The following BTK variants were observed in gnomAD, a reference collection of about 807,000 sequenced individuals.
BTK encodes Bruton tyrosine kinase.
In BTK, 5 loss-of-function variants were observed where a neutral mutation model predicts 57.4. The observed-to-expected ratio is 0.09, with a 90% confidence interval of 0.05 to 0.18. The LOEUF (loss-of-function observed/expected upper bound fraction) is 0.18. Among genes scored for constraint, BTK ranks in the 10% least tolerant of loss-of-function variants. The pLI is 1.00. For missense variants in BTK, 194 were observed against 501.2 expected, an observed-to-expected ratio of 0.39 and a Z score of 5.85; for synonymous variants, 154 against 174.3, an observed-to-expected ratio of 0.88 and a Z score of 0.92.
At chrX:101,351,027 G>A (rs782086186) in intron 18 of BTK, among the ~76,000 whole-genome samples, 3 of 111,475 alleles carry the variant, frequency 2.7e-5, no homozygotes, top group African/African-American at 6.5e-5. Context: ...ACACAGTCTC[G>A]CTCTGTCACT....
intron 1 of BTK, among the ~76,000 whole-genome samples, chrX:101,385,013 C>A (rs782418136): frequency 9.0e-6 from 1 of 111,381 alleles, no homozygotes; most frequent in Non-Finnish European, 1.9e-5. Flanking sequence ...TATTGCCAGG[C>A]CCTGTTTTAA....
chrX:101,360,051 CT>C, intron 9 of BTK, 36 bp downstream of exon 9: 2 of 912,155 alleles, frequency 2.2e-6, no homozygotes, highest in Non-Finnish European at 3.1e-6. Flanking sequence ...GAGAGAGTTC[CT>C]CCTGGAAGAT....
chrX:101,369,960 C>T (rs782401321), intron 5 of BTK, 38 bp downstream of exon 5: 2 of 1,143,736 alleles, frequency 1.7e-6, no homozygotes, highest in South Asian at 3.6e-5. Context: ...TCCTTTCCTT[C>T]TTTCTTTGGA....
intron 10 of BTK, among the ~76,000 whole-genome samples, chrX:101,358,900 G>T (rs377168354): frequency 8.9e-6 from 1 of 111,918 alleles, no homozygotes; most frequent in East Asian, 2.8e-4. Context: ...CATTTTGGGA[G>T]GCCGAGGTGG....
intron 6 of BTK, 56 bp downstream of exon 6, chrX:101,362,505 G>C: frequency 8.3e-7 from 1 of 1,204,555 alleles, no homozygotes. Context: ...CAGACCCTTG[G>C]GAGAGTGATG....
rs782611988 is a variant in BTK at position 101,381,450 on chromosome X, G to A, written c.-31+4612C>T. Among the ~76,000 whole-genome samples, 194 of 111,724 alleles carry A rather than the reference G, an allele frequency of 1.7e-3. 1 individual carries two copies. Among genetic ancestry groups the A allele is most frequent in the African/African-American group, 5.9e-3 (181 of 30,765 alleles). On this transcript the variant is annotated intron_variant, in intron 1 of 18. Transcript: ENST00000308731. Reference sequence around the variant, plus strand: ...CTATCTCTAGTGGGAGGTTAAATTTGGCCTACGGAAAATCTCTTCCCAGTC... The same window carrying A: ...CTATCTCTAGTGGGAGGTTAAATTTAGCCTACGGAAAATCTCTTCCCAGTC...
In BTK at chrX:101,362,383, T is replaced by TA. The variant is rs1555978836; in HGVS notation, c.521-144_521-143insT. The stretch of plus-strand genomic sequence containing the variant: ...AGCTAGGCATGCCAGGTCACATAGC[T>TA]TGGAGAGCAGATTACCAGCTGGATT... On this transcript the variant is annotated intron_variant, in intron 6 of 18. Coordinates refer to ENST00000308731, the MANE Select transcript of BTK (RefSeq NM_000061.3). 5.1e-6 allele frequency: 5 copies of TA among 986,387 alleles called. No individual in the cohort carries two copies. The African/African-American group carries it at 9.5e-5, about 19-fold the overall frequency. 81.3% of individuals were successfully genotyped at this position (986,387 alleles called of 1,213,427 possible).
chrX:101,390,487 G>C (rs141862637), upstream of BTK: 3 of 515,147 alleles, frequency 5.8e-6, no homozygotes, highest in South Asian at 7.4e-5. Flanking sequence ...CCTCTCCCCC[G>C]GAACAGTGCC....
At chrX:101,357,005 C>A (rs373456157) in intron 13 of BTK, 50 bp from the exon 14 acceptor site, 15 of 1,177,872 alleles carry the variant, frequency 1.3e-5, no homozygotes, top group African/African-American at 5.3e-5. Flanking sequence ...ATGTATAATT[C>A]TTACAATAGA....
At chrX:101,382,663 G>A (rs1927489678) in intron 1 of BTK, among the ~76,000 whole-genome samples, 1 of 111,322 alleles carries the variant, frequency 9.0e-6, no homozygotes, top group Non-Finnish European at 1.9e-5. Flanking sequence ...ATGATGGAAG[G>A]AGAGCCAGAG....
rs180992128 is a variant in BTK at position 101,353,685 on chromosome X, G to T, written c.1750+185C>A. On this transcript the variant is annotated intron_variant, in intron 17 of 18. Transcript: ENST00000308731. ...ATGGTTTAAGTTCTAAAAAGGCAGA[G>T]ATCATGTCCAGTTTAGTTTTCATCC... Among the ~76,000 whole-genome samples, 127 of 112,628 alleles carry T rather than the reference G, an allele frequency of 1.1e-3. 1 individual carries two copies. The highest frequency in any genetic ancestry group is 9.7e-4 in the Non-Finnish European group (52 of 53,334).
At chrX:101,389,334 A>G (rs1927713057), upstream of BTK, among the ~76,000 whole-genome samples, 1 of 111,767 alleles carries the variant, frequency 8.9e-6, no homozygotes, top group African/African-American at 3.3e-5. Flanking sequence ...GAAAGAACTA[A>G]GGTTGATTAA....
intron 15 of BTK, chrX:101,355,557 T>TCTCGGTGGTCGCCG: frequency 1.1e-4 from 14 of 132,757 alleles, no homozygotes; most frequent in Middle Eastern, 4.0e-3. Context: ...ACGGTGTAGA[T>TCTCGGTGGTCGCCG]TTTCAAGAGA....
chrX:101,368,252 C>T (rs782765559), intron 5 of BTK, among the ~76,000 whole-genome samples: 32 of 112,747 alleles, frequency 2.8e-4, no homozygotes, highest in Non-Finnish European at 5.2e-4. Flanking sequence ...AGAGTTTGCT[C>T]ATTTTGTAGC....
upstream of BTK, chrX:101,390,346 A>C (rs1927740601): frequency 2.3e-6 from 1 of 436,695 alleles, no homozygotes. Context: ...TTTCATTGTC[A>C]CTTTTCAGAA....
intron 18 of BTK, 145 bp from the exon 19 acceptor site, chrX:101,350,101 A>G (rs1555976799): frequency 8.6e-6 from 4 of 463,077 alleles, no homozygotes; most frequent in Non-Finnish European, 1.1e-5. Flanking sequence ...AAAAAAAAAA[A>G]AAAAGAAATA....
chrX:101,356,697 A>C (rs1272715898), intron 14 of BTK, 87 bp downstream of exon 14: 1 of 1,091,127 alleles, frequency 9.2e-7, no homozygotes, highest in Admixed American at 2.2e-5. Flanking sequence ...CTCTTACTGT[A>C]AGTCATCTTT....
chrX:101,374,688 C>A (rs950188384), intron 2 of BTK, 54 bp from the exon 3 acceptor site: 1 of 1,007,324 alleles, frequency 9.9e-7, no homozygotes, highest in Non-Finnish European at 1.4e-6. Context: ...GATTAAGCAA[C>A]CAGATGATTA....
At chrX:101,354,816 TC>T in intron 15 of BTK, 122 bp from the exon 16 acceptor site, 2 of 665,267 alleles carry the variant, frequency 3.0e-6, no homozygotes, top group Non-Finnish European at 4.9e-6. Flanking sequence ...ACAGACACCT[TC>T]CCACCTAATA....
Sources: allele counts gnomAD v4.1 joint callset (sites outside exome capture counted in the v4.1 genomes callset), GRCh38; gene constraint gnomAD v4.1.1; transcripts MANE v1.5; gene names NCBI Gene and HGNC (gene_info 2026-07-23, HGNC 2026-07-21).